SSPN: variants seen among roughly 807,000 people sequenced by gnomAD.
SSPN encodes the protein K-ras oncogene-associated protein.
In SSPN, 15 loss-of-function variants were observed where a neutral mutation model predicts 19.1. That is an observed-to-expected ratio of 0.78 (90% CI 0.52 to 1.21). The LOEUF (loss-of-function observed/expected upper bound fraction) is 1.21, where lower values mean the gene tolerates loss of function less well. SSPN is among the 50% of genes most tolerant of loss of function. The pLI, the probability that SSPN is intolerant of heterozygous loss-of-function variation, is 0.00. For missense variants in SSPN, 291 were observed against 314.0 expected (o/e 0.93, Z 0.55); for synonymous variants, 147 against 140.3 (o/e 1.05, Z -0.34).
chr12:26,124,658 G>C, intron 1 of SSPN: 1 of 1,612,898 alleles, frequency 6.2e-7, no homozygotes, highest in South Asian at 1.1e-5. Context: ...CCACTTTCTG[G>C]AGAAGAAAAA....
intron 1 of SSPN, among the ~76,000 whole-genome samples, chr12:26,171,905 C>T (rs1212033418): frequency 6.6e-6 from 1 of 152,136 alleles, no homozygotes; most frequent in Non-Finnish European, 1.5e-5. Context: ...TCACCTCTAC[C>T]ATTTGTCGCC....
chr12:26,193,201 G>T (rs1944799630), upstream of SSPN, among the ~76,000 whole-genome samples: 1 of 152,184 alleles, frequency 6.6e-6, no homozygotes, highest in African/African-American at 2.4e-5. Flanking sequence ...AATTTAAACA[G>T]TCTAGCCACT....
chr12:26,122,300 AGCGGCGGCGGCGGCTGCC>A (rs1944315456), intron 1 of SSPN: 10 of 1,164,984 alleles, frequency 8.6e-6, no homozygotes, highest in Non-Finnish European at 1.1e-5. Context: ...CGGCGGCGGC[AGCGGCGGCGGCGGCTGCC>A]GCGGCTGCCG....
At chr12:26,148,500 C>T (rs1232185632) in intron 1 of SSPN, among the ~76,000 whole-genome samples, 1 of 152,184 alleles carries the variant, frequency 6.6e-6, no homozygotes, top group Non-Finnish European at 1.5e-5. Context: ...ACATGATGTG[C>T]TGCTTTACAG....
At chr12:26,226,609 G>GCTTTGCCT (rs1453552436) in intron 2 of SSPN, among the ~76,000 whole-genome samples, 1 of 152,068 alleles carries the variant, frequency 6.6e-6, no homozygotes, top group Non-Finnish European at 1.5e-5. Flanking sequence ...TCCTCCCTGG[G>GCTTTGCCT]CTTTGCCTCT....
chr12:26,183,666 G>A lies in SSPN; in HGVS notation c.-30-40627G>A, dbSNP rs554880216. ...GGAAGATGTTGATAGTATTATGAAA[G>A]GGGCATTCAGAATACTGAGATCTTC... On this transcript the variant is annotated intron_variant, in intron 1 of 2. Coordinates refer to the SSPN transcript ENST00000538142. 7.2e-5 allele frequency among the ~76,000 whole-genome samples: 11 copies of A among 152,288 alleles called. No homozygotes were observed. In the South Asian group the frequency reaches 2.3e-3, roughly 32 times the overall value.
At chr12:26,178,817 C>T (rs1397986884) in intron 1 of SSPN, among the ~76,000 whole-genome samples, 1 of 152,136 alleles carries the variant, frequency 6.6e-6, no homozygotes, top group Admixed American at 6.5e-5. Flanking sequence ...CTGAAAGCTT[C>T]CTGAGGAGTT....
At chr12:26,140,728 A>G (rs1478108432) in intron 1 of SSPN, among the ~76,000 whole-genome samples, 1 of 152,140 alleles carries the variant, frequency 6.6e-6, no homozygotes, top group Non-Finnish European at 1.5e-5. Context: ...ACCTTCCGTC[A>G]TGATTGTAAA....
At chr12:26,151,195 GAA>G (rs11361611) in intron 1 of SSPN, among the ~76,000 whole-genome samples, 2 of 151,462 alleles carry the variant, frequency 1.3e-5, no homozygotes, top group Admixed American at 6.6e-5. Flanking sequence ...GGTTTTCTTG[GAA>G]AAAAAAAATT....
chr12:26,222,084 G>T (rs943855838), intron 1 of SSPN, among the ~76,000 whole-genome samples: 2 of 152,146 alleles, frequency 1.3e-5, no homozygotes, highest in African/African-American at 4.8e-5. Context: ...CCAGTCTTCT[G>T]CTGAAAAGCT....
Position 26,221,507 on chromosome 12 carries a change from G to A in SSPN, c.280-2786G>A, listed in dbSNP as rs112417798. Among the ~76,000 whole-genome samples the A allele has an allele frequency of 4.1e-3, 626 of 152,288 alleles. 6 individuals are homozygous for A. Among genetic ancestry groups the A allele is most frequent in the African/African-American group, 0.014 (595 of 41,548 alleles). ...TATTGTATGTCCTCCATAAAATTCT[G>A]TGAATTGAATAAGTCAAATGCTCTA... On this transcript the variant is annotated intron_variant, in intron 1 of 2. Transcript: ENST00000242729.
chr12:26,189,661 T>C (rs1944775991), intron 1 of SSPN, among the ~76,000 whole-genome samples: 1 of 152,230 alleles, frequency 6.6e-6, no homozygotes, highest in African/African-American at 2.4e-5. Flanking sequence ...TTCTCTTTCC[T>C]TCCCTTCACA....
intron 1 of SSPN, among the ~76,000 whole-genome samples, chr12:26,207,847 G>A (rs1217597603): frequency 1.3e-5 from 2 of 152,066 alleles, no homozygotes; most frequent in Non-Finnish European, 2.9e-5. Context: ...TTTTTGTAGA[G>A]AAATTAGCTG....
intron 1 of SSPN, among the ~76,000 whole-genome samples, chr12:26,213,029 T>C (rs1031944749): frequency 2.0e-5 from 3 of 152,062 alleles, no homozygotes; most frequent in African/African-American, 7.2e-5. Flanking sequence ...GCCATGGATA[T>C]CTGCACACTA....
chr12:26,155,141 C>T (rs1944548286), intron 1 of SSPN, among the ~76,000 whole-genome samples: 1 of 152,178 alleles, frequency 6.6e-6, no homozygotes, highest in South Asian at 2.1e-4. Context: ...TGTCAGTTGG[C>T]TGCTTTTAAA....
chr12:26,127,523 G>A (rs1419084985), intron 1 of SSPN, among the ~76,000 whole-genome samples: 1 of 151,954 alleles, frequency 6.6e-6, no homozygotes, highest in East Asian at 1.9e-4. Context: ...ACTGCAAATG[G>A]GGTCTTTTCC....
At chr12:26,216,049 C>G (rs1254054392) in intron 1 of SSPN, among the ~76,000 whole-genome samples, 1 of 152,148 alleles carries the variant, frequency 6.6e-6, no homozygotes, top group African/African-American at 2.4e-5. Flanking sequence ...GAATACATGT[C>G]AAGTGTTCAG....
intron 1 of SSPN, among the ~76,000 whole-genome samples, chr12:26,215,612 T>C (rs1253219060): frequency 6.6e-6 from 1 of 152,218 alleles, no homozygotes; most frequent in Non-Finnish European, 1.5e-5. Flanking sequence ...ACAAATAGCC[T>C]TTCTCTAACT....
At chr12:26,226,124 C>T (rs886367627) in intron 2 of SSPN, among the ~76,000 whole-genome samples, 1 of 152,148 alleles carries the variant, frequency 6.6e-6, no homozygotes, top group Non-Finnish European at 1.5e-5. Context: ...TTCTCCTGAA[C>T]GTGACCTTTC....
Sources: gnomAD v4.1 joint callset for allele counts (sites outside exome capture counted in the v4.1 genomes callset) on GRCh38, gnomAD v4.1.1 for gene constraint, MANE v1.5 for transcripts, NCBI Gene and HGNC (gene_info 2026-07-23, HGNC 2026-07-21) for gene names.